Variants in LUZP1 observed in about 807,000 individuals in gnomAD.
LUZP1 encodes the protein filamin mechanobinding actin cross-linking protein.
Under a neutral mutation model 71.3 loss-of-function variants are expected in LUZP1, and 25 were observed. The observed-to-expected ratio is 0.35, with a 90% CI of 0.26 to 0.49. The LOEUF (loss-of-function observed/expected upper bound fraction) is 0.49. Ranked by LOEUF, LUZP1 falls within the 20% of genes least tolerant of loss-of-function variation. The pLI, the probability that LUZP1 is intolerant of heterozygous loss-of-function variation, is 0.99. For synonymous variants in LUZP1, 481 were observed against 506.4 expected, an observed-to-expected ratio of 0.95 and a Z score of 0.67; for missense variants, 1,142 against 1,300.8, an observed-to-expected ratio of 0.88 and a Z score of 1.88.
At chr1:23,167,588 G>C (rs1031843928) in intron 2 of LUZP1, among the ~76,000 whole-genome samples, 2 of 152,154 alleles carry the variant, frequency 1.3e-5, no homozygotes, top group East Asian at 1.9e-4. Flanking sequence ...CACTGGCCTC[G>C]GCATTCCCGA....
intron 3 of LUZP1, among the ~76,000 whole-genome samples, chr1:23,096,086 T>C (rs535887302): frequency 8.0e-4 from 114 of 142,006 alleles, no homozygotes; most frequent in African/African-American, 2.8e-3. Context: ...CTAGAGACCA[T>C]ACAATAAGTA....
chr1:23,100,988 T>C (rs1247168707), intron 3 of LUZP1, among the ~76,000 whole-genome samples: 1 of 152,230 alleles, frequency 6.6e-6, no homozygotes, highest in Non-Finnish European at 1.5e-5. Context: ...CTTCCCATTA[T>C]GCAAAATCAC....
chr1:23,135,777 A>G (rs1644248644), intron 2 of LUZP1, among the ~76,000 whole-genome samples: 1 of 152,216 alleles, frequency 6.6e-6, no homozygotes, highest in South Asian at 2.1e-4. Context: ...ACTTATACCT[A>G]AAATATGTAA....
chr1:23,118,079 G>C (rs1644100330), intron 2 of LUZP1, among the ~76,000 whole-genome samples: 1 of 151,956 alleles, frequency 6.6e-6, no homozygotes, highest in Non-Finnish European at 1.5e-5. Flanking sequence ...GACAGAGCGA[G>C]ACTCCATCTC....
At chr1:23,166,822 C>T (rs1250757977) in intron 2 of LUZP1, among the ~76,000 whole-genome samples, 1 of 152,058 alleles carries the variant, frequency 6.6e-6, no homozygotes, top group African/African-American at 2.4e-5. Context: ...TAAGAAAACA[C>T]CTCATAATCA....
intron 2 of LUZP1, among the ~76,000 whole-genome samples, chr1:23,112,893 T>TGCAA (rs1644045849): frequency 6.6e-6 from 1 of 152,192 alleles, no homozygotes; most frequent in Non-Finnish European, 1.5e-5. Flanking sequence ...CCCTGAGCCA[T>TGCAA]GCAAGCATAG....
intron 2 of LUZP1, chr1:23,140,337 A>C (rs2124706050): frequency 6.6e-6 from 1 of 152,212 alleles, no homozygotes; most frequent in South Asian, 2.1e-4. Flanking sequence ...TTACACTTAC[A>C]CCAAGCTCCT....
intron 2 of LUZP1, among the ~76,000 whole-genome samples, chr1:23,121,355 T>C (rs543331670): frequency 1.3e-5 from 2 of 152,338 alleles, no homozygotes; most frequent in Admixed American, 6.5e-5. Flanking sequence ...ACAATGACCA[T>C]ATAGTACCCA....
At chr1:23,120,959 C>T (rs1157053059) in intron 2 of LUZP1, among the ~76,000 whole-genome samples, 1 of 152,214 alleles carries the variant, frequency 6.6e-6, no homozygotes, top group Admixed American at 6.5e-5. Context: ...TATTGCTTTA[C>T]TGAGCTGACT....
intron 2 of LUZP1, among the ~76,000 whole-genome samples, chr1:23,131,556 C>G (rs1370584213): frequency 6.6e-6 from 1 of 152,210 alleles, no homozygotes; most frequent in African/African-American, 2.4e-5. Context: ...GGAATACTAG[C>G]TGGTATGCAG....
chr1:23,172,523 T>A (rs554513419), intron 1 of LUZP1, among the ~76,000 whole-genome samples: 28 of 151,402 alleles, frequency 1.8e-4, no homozygotes, highest in African/African-American at 6.5e-4. Flanking sequence ...TTTTTTATTT[T>A]TTTTTTTTTA....
chr1:23,126,953 T>C (rs1211077248), intron 2 of LUZP1, among the ~76,000 whole-genome samples: 1 of 152,236 alleles, frequency 6.6e-6, no homozygotes, highest in Non-Finnish European at 1.5e-5. Flanking sequence ...TTTTACTATG[T>C]GAGAAGTCAA....
At chr1:23,165,532 C>G (rs1163910823) in intron 2 of LUZP1, among the ~76,000 whole-genome samples, 1 of 151,804 alleles carries the variant, frequency 6.6e-6, no homozygotes, top group Non-Finnish European at 1.5e-5. Flanking sequence ...AAAAGTTAGC[C>G]AGGCATGGTG....
chr1:23,172,541 G>A (rs1321648302), intron 1 of LUZP1, among the ~76,000 whole-genome samples: 5 of 150,706 alleles, frequency 3.3e-5, no homozygotes, highest in Non-Finnish European at 7.4e-5. Flanking sequence ...TTAGACAGAG[G>A]TCACCCTCTG....
At chr1:23,091,701 T>G (rs756323860) in exon 4 of LUZP1, 1 of 1,614,128 alleles carries the variant, frequency 6.2e-7, no homozygotes, top group Admixed American at 1.7e-5. Flanking sequence ...TTCTGCAAGC[T>G]GCAGGGTGAT....
At chr1:23,138,008 T>C (rs565172133) in intron 2 of LUZP1, among the ~76,000 whole-genome samples, 1 of 152,356 alleles carries the variant, frequency 6.6e-6, no homozygotes, top group South Asian at 2.1e-4. Context: ...TCTTGCTCTG[T>C]TGCCCAGGTT....
At chr1:23,114,483 C>A (rs1644061917) in intron 2 of LUZP1, among the ~76,000 whole-genome samples, 1 of 152,130 alleles carries the variant, frequency 6.6e-6, no homozygotes, top group Non-Finnish European at 1.5e-5. Context: ...ATGAACCAAC[C>A]TAGGTGGTTT....
At chr1:23,149,079 T>TA (rs58910170) in intron 2 of LUZP1, among the ~76,000 whole-genome samples, 1,161 of 37,338 alleles carry the variant, frequency 0.031, 87 homozygotes, top group African/African-American at 0.063. Context: ...ACACCTTGCC[T>TA]AAAAAAAAAA....
intron 2 of LUZP1, among the ~76,000 whole-genome samples, chr1:23,137,444 C>T (rs758235542): frequency 1.6e-4 from 24 of 152,218 alleles, no homozygotes; most frequent in Non-Finnish European, 3.5e-4. Context: ...AGTTCAAAAC[C>T]AGCCTGGCCA....
Sources: allele counts gnomAD v4.1 joint callset (sites outside exome capture counted in the v4.1 genomes callset), GRCh38; gene constraint gnomAD v4.1.1; transcripts MANE v1.5; gene names NCBI Gene and HGNC (gene_info 2026-07-23, HGNC 2026-07-21).